The following FHIT variants were observed in gnomAD, a reference collection of about 807,000 sequenced individuals.
FHIT encodes the protein fragile histidine triad diadenosine triphosphatase, also known as bis(5'-adenosyl)-triphosphatase.
A neutral mutation model predicts 17.9 loss-of-function variants in FHIT; 19 were observed. That is an observed-to-expected ratio of 1.06 (90% CI 0.74 to 1.56). FHIT has a LOEUF of 1.56. Ranked by LOEUF, FHIT falls within the 40% of genes most tolerant of loss-of-function variation. The pLI is 0.00. For missense variants in FHIT, 248 were observed against 189.2 expected (o/e 1.31, Z -1.82); for synonymous variants, 81 against 69.7 (o/e 1.16, Z -0.81).
chr3:60,163,858 G>C (rs555086253), intron 5 of FHIT, among the ~76,000 whole-genome samples: 20 of 152,120 alleles, frequency 1.3e-4, no homozygotes, highest in Non-Finnish European at 2.5e-4. Flanking sequence ...GGGAAACACT[G>C]ATCTATTGCT....
chr3:60,084,919 A>C (rs956208173), intron 5 of FHIT, among the ~76,000 whole-genome samples: 1 of 152,068 alleles, frequency 6.6e-6, no homozygotes, highest in Non-Finnish European at 1.5e-5. Flanking sequence ...TACTTCAGGC[A>C]TCTTCTGTTA....
chr3:60,204,444 G>GTTTTTT (rs56126245), intron 5 of FHIT, among the ~76,000 whole-genome samples: 4 of 115,016 alleles, frequency 3.5e-5, no homozygotes, highest in Middle Eastern at 4.3e-3. Flanking sequence ...TAATATTCTG[G>GTTTTTT]TTTTTTTTTT....
intron 5 of FHIT, among the ~76,000 whole-genome samples, chr3:60,139,471 T>A (rs1463397386): frequency 6.6e-6 from 1 of 152,080 alleles, no homozygotes; most frequent in East Asian, 1.9e-4. Flanking sequence ...GGCCAGATGA[T>A]GAAAAGTCTA....
chr3:60,497,612 T>G (rs1447515393), intron 5 of FHIT, among the ~76,000 whole-genome samples: 1 of 152,188 alleles, frequency 6.6e-6, no homozygotes. Flanking sequence ...AAAGGAAGAC[T>G]GTGGAAGAAC....
At chr3:61,080,121 G>A (rs1009181147) in intron 2 of FHIT, among the ~76,000 whole-genome samples, 12 of 152,228 alleles carry the variant, frequency 7.9e-5, no homozygotes, top group African/African-American at 2.9e-4. Flanking sequence ...CTAAATGGCT[G>A]ATTTGGTAAG....
rs2036710581 is a variant in FHIT, at chr3:60,555,477, C to T, written c.-17-18498G>A. ...TTACAGAACAGCATTATCCAGGGCT[C>T]CATTCAAGGTAATTTTGCTTTTTCA... On this transcript the variant is annotated intron_variant, in intron 4 of 9. Coordinates refer to ENST00000492590, the MANE Select transcript of FHIT (RefSeq NM_002012.4). 2.0e-5 allele frequency among the ~76,000 whole-genome samples: 3 copies of T among 152,322 alleles called. No homozygotes were observed. The South Asian group carries it at 6.2e-4, about 32-fold the overall frequency.
chr3:59,750,125 G>A (rs1700812063), intron 9 of FHIT: 1 of 226,844 alleles, frequency 4.4e-6, no homozygotes, highest in Non-Finnish European at 8.8e-6. Context: ...TGGAAGACAG[G>A]AGGTGTCAGG....
chr3:60,884,393 T>C (rs1184652607), intron 3 of FHIT, among the ~76,000 whole-genome samples: 1 of 152,122 alleles, frequency 6.6e-6, no homozygotes, highest in African/African-American at 2.4e-5. Flanking sequence ...AATCAGGATA[T>C]TGAAGAGATA....
intron 5 of FHIT, among the ~76,000 whole-genome samples, chr3:60,479,118 T>C (rs958608141): frequency 2.0e-5 from 3 of 152,210 alleles, no homozygotes; most frequent in African/African-American, 7.2e-5. Context: ...TGCTTGCCCA[T>C]GGTTCAGACG....
In FHIT at chr3:60,093,413, G is replaced by C. The variant is rs939960417; in HGVS notation, c.104-79261C>G. ...CTAAGAATCCTTGAGATTACACTGAGCCCACCTGGACAGTCTAGGATAATC... is the reference window on the plus strand; with the variant it reads ...CTAAGAATCCTTGAGATTACACTGACCCCACCTGGACAGTCTAGGATAATC... On this transcript the variant is annotated intron_variant, in intron 5 of 9. Transcript: ENST00000492590. Among the ~76,000 whole-genome samples, 3 of 152,238 alleles carry C rather than the reference G, an allele frequency of 2.0e-5. No homozygotes were observed. In the South Asian group the frequency reaches 6.2e-4, roughly 32 times the overall value.
chr3:61,117,894 G>A (rs180686736), intron 2 of FHIT, among the ~76,000 whole-genome samples: 36 of 152,180 alleles, frequency 2.4e-4, no homozygotes, highest in Admixed American at 1.3e-3. Flanking sequence ...TATATTTACC[G>A]AACGAATGAA....
At chr3:60,943,150 T>C (rs1238598461) in intron 3 of FHIT, among the ~76,000 whole-genome samples, 1 of 152,166 alleles carries the variant, frequency 6.6e-6, no homozygotes, top group Non-Finnish European at 1.5e-5. Flanking sequence ...ATATTCTTTA[T>C]CTTTTCTAAG....
At chr3:59,970,968 A>G (rs1249625596) in intron 7 of FHIT, among the ~76,000 whole-genome samples, 1 of 151,916 alleles carries the variant, frequency 6.6e-6, no homozygotes, top group African/African-American at 2.4e-5. Flanking sequence ...CCCCAGAGCC[A>G]GAAAATGTGA....
chr3:60,451,193 AG>A (rs2031719986), intron 5 of FHIT, among the ~76,000 whole-genome samples: 1 of 152,030 alleles, frequency 6.6e-6, no homozygotes, highest in Admixed American at 6.6e-5. Context: ...AATGGTTATC[AG>A]GGGCCCAGTG....
At chr3:60,428,081 T>C (rs1281546171) in intron 5 of FHIT, among the ~76,000 whole-genome samples, 1 of 152,162 alleles carries the variant, frequency 6.6e-6, no homozygotes, top group Non-Finnish European at 1.5e-5. Flanking sequence ...AAAACCTTAG[T>C]TCAAAATCTC....
intron 1 of FHIT, among the ~76,000 whole-genome samples, chr3:61,232,096 A>C (rs13099397): frequency 0.34 from 51,223 of 152,158 alleles, 11,020 homozygotes; most frequent in Non-Finnish European, 0.48. Context: ...TTAAACATAC[A>C]ATGGGGGCCG....
chr3:60,333,734 C>A (rs571430460), intron 5 of FHIT, among the ~76,000 whole-genome samples: 1 of 152,020 alleles, frequency 6.6e-6, no homozygotes, highest in Non-Finnish European at 1.5e-5. Flanking sequence ...ATTGATTCTC[C>A]CAGTCTTAAA....
intron 8 of FHIT, among the ~76,000 whole-genome samples, chr3:59,914,470 C>T (rs1705035963): frequency 6.6e-6 from 1 of 152,080 alleles, no homozygotes; most frequent in Admixed American, 6.5e-5. Context: ...CATGAATGAA[C>T]CTTGCTCCAA....
chr3:61,187,348 T>C (rs1428965632), intron 2 of FHIT, among the ~76,000 whole-genome samples: 2 of 152,066 alleles, frequency 1.3e-5, no homozygotes, highest in African/African-American at 4.8e-5. Context: ...CATTACACCA[T>C]GGTAAAGGGA....
Sources: allele counts gnomAD v4.1 joint callset (sites outside exome capture counted in the v4.1 genomes callset), GRCh38; gene constraint gnomAD v4.1.1; transcripts MANE v1.5; gene names NCBI Gene and HGNC (gene_info 2026-07-23, HGNC 2026-07-21).